SRPRA: variants seen among roughly 807,000 people sequenced by gnomAD.
SRPRA encodes signal recognition particle receptor subunit alpha.
Under a neutral mutation model 61.1 loss-of-function variants are expected in SRPRA, and 30 were observed. The observed-to-expected ratio is 0.49, with a 90% CI of 0.37 to 0.67. The LOEUF (loss-of-function observed/expected upper bound fraction) is 0.67. Ranked by LOEUF, SRPRA falls within the 30% of genes least tolerant of loss-of-function variation. SRPRA has a pLI of 0.00. For missense variants in SRPRA, 759 were observed against 828.4 expected (o/e 0.92, Z 1.03); for synonymous variants, 324 against 299.7 (o/e 1.08, Z -0.84).
Position 126,268,002 on chromosome 11 carries a change from C to G in SRPRA, c.201+1G>C. Reference sequence around the variant, plus strand: ...TCGTCCCTCTACAACACCCCACTTACCACAAACACCAGCTCAAACTGGTTG... The same window carrying G: ...TCGTCCCTCTACAACACCCCACTTAGCACAAACACCAGCTCAAACTGGTTG... On this transcript the variant is annotated splice_donor_variant, in intron 2 of 13. Coordinates refer to ENST00000332118, the MANE Select transcript of SRPRA (RefSeq NM_003139.4). LOFTEE classifies it high-confidence loss of function. 6.2e-7 allele frequency: 1 copy of G among 1,614,092 alleles called. No homozygotes were observed. Among genetic ancestry groups the G allele is most frequent in the Non-Finnish European group, 8.5e-7 (1 of 1,179,974 alleles).
At chr11:126,261,193 A>C (rs1001905895), downstream of SRPRA, 39 of 480,880 alleles carry the variant, frequency 8.1e-5, no homozygotes, top group Non-Finnish European at 1.1e-4. Context: ...TTTGTCTACA[A>C]GCAATCGTAG....
At chr11:126,239,072 A>G in the SRPRA span, among the ~76,000 whole-genome samples, 3 of 150,354 alleles carry the variant, frequency 2.0e-5, no homozygotes, top group East Asian at 5.9e-4. Flanking sequence ...TCCTGGGCTC[A>G]CGTGATCCTC....
chr11:126,240,786 T>TTA, the SRPRA span: 1 of 1,598,784 alleles, frequency 6.3e-7, no homozygotes. Flanking sequence ...TGTTTTGCTT[T>TTA]TATAGGAAGC....
In SRPRA at chr11:126,266,170, A is replaced by C. The variant is rs1264400938; in HGVS notation, c.932+17T>G. On this transcript the variant is annotated intron_variant, in intron 7 of 13. Coordinates refer to ENST00000332118, the MANE Select transcript of SRPRA (RefSeq NM_003139.4). ...TTTGCAGATGCATATACCAACCCCC[A>C]CCTGAAATTCCCCTACCTAGGTTTG... 1.9e-6 allele frequency: 3 copies of C among 1,613,442 alleles called. No homozygotes were observed. The highest frequency in any genetic ancestry group is 1.3e-5 in the African/African-American group (1 of 74,810).
rs200556752 is a variant in SRPRA, at chr11:126,266,459, C to A, written c.840+17G>T. 7.5e-6 allele frequency: 12 copies of A among 1,610,274 alleles called. No homozygotes were observed. In the East Asian group the frequency reaches 2.7e-4, roughly 36 times the overall value. ...AATTTGTTGTTAAAGATCACTTTGA[C>A]CCCTGTTACCTCTTACCAGGTTGAT... On this transcript the variant is annotated intron_variant, in intron 6 of 13. Coordinates refer to ENST00000332118, the MANE Select transcript of SRPRA (RefSeq NM_003139.4).
chr11:126,237,864 A>G, the SRPRA span, among the ~76,000 whole-genome samples: 1 of 150,556 alleles, frequency 6.6e-6, no homozygotes, highest in African/African-American at 2.4e-5. Context: ...TCCAAAAAAA[A>G]AAAAAAAAAG....
chr11:126,263,102 G>A lies in SRPRA; in HGVS notation c.*814C>T, dbSNP rs1306210421. On this transcript the variant is annotated 3_prime_UTR_variant, in exon 14 of 14. Coordinates refer to ENST00000332118, the MANE Select transcript of SRPRA (RefSeq NM_003139.4). ...GCACTTGTCTACCAGGCACTGTAGAGGGGAGTGATGAGGAAAAGCCAGGAC... is the reference window on the plus strand; with the variant it reads ...GCACTTGTCTACCAGGCACTGTAGAAGGGAGTGATGAGGAAAAGCCAGGAC... 1 of 152,652 alleles carries A rather than the reference G, an allele frequency of 6.6e-6. No individual in the cohort carries two copies. The highest frequency in any genetic ancestry group is 2.4e-5 in the African/African-American group (1 of 41,458). 9.5% of individuals were successfully genotyped at this position (152,652 alleles called of 1,614,324 possible).
chr11:126,248,205 T>C, the SRPRA span, among the ~76,000 whole-genome samples: 1 of 151,300 alleles, frequency 6.6e-6, no homozygotes, highest in African/African-American at 2.4e-5. Context: ...TAACCTCATA[T>C]GTGTCATTTC....
At chr11:126,241,015 G>A in the SRPRA span, 1 of 1,608,368 alleles carries the variant, frequency 6.2e-7, no homozygotes, top group Middle Eastern at 1.7e-4. Context: ...GGTCCATGTT[G>A]CCCATGACCT....
rs1243792247 is a variant in SRPRA, at chr11:126,268,777, T to C, written c.28A>G (p.Lys10Glu). 2 of 1,613,584 alleles carry C rather than the reference T, an allele frequency of 1.2e-6. No homozygotes were observed. Among genetic ancestry groups the C allele is most frequent in the Non-Finnish European group, 1.7e-6 (2 of 1,179,968 alleles). The change falls in exon 1 of 14, where the codon AAG becomes GAG. Residue 10 changes from lysine (K) to glutamate (E), a missense_variant. Around this residue, in one of 2 missense-constraint regions of SRPRA, gnomAD observed 475 missense variants for 462.5 expected, o/e 1.03. Transcript: ENST00000332118. MLDFFTIFS[K>E]GGLVLWCFQG... is the part of the protein sequence containing the mutation. ...AAGCACCAGAGCACAAGCCCGCCCTTGGAGAAAATGGTGAAGAAGTCGAGC... is the reference window on the plus strand; with the variant it reads ...AAGCACCAGAGCACAAGCCCGCCCTCGGAGAAAATGGTGAAGAAGTCGAGC...
In SRPRA at chr11:126,264,079, G is replaced by A. The variant is rs376225707; in HGVS notation, c.1789-35C>T. 7 of 1,613,710 alleles carry A rather than the reference G, an allele frequency of 4.3e-6. No homozygotes were observed. The highest frequency in any genetic ancestry group is 1.3e-5 in the African/African-American group (1 of 74,912). On this transcript the variant is annotated intron_variant, in intron 13 of 13. Transcript: ENST00000332118. The surrounding 1 kb of genome is among the most constrained non-coding windows in gnomAD (Gnocchi z 5.0). ...GAAAGAGGACAGCCCATCAACACAA[G>A]CCCACTTTTCACTCACCCTCTCAGG...
chr11:126,267,409 T>A lies in SRPRA; in HGVS notation c.366-74A>T. The A allele has an allele frequency of 6.3e-7, 1 of 1,596,048 alleles. No homozygotes were observed. The highest frequency in any genetic ancestry group is 1.7e-4 in the Middle Eastern group (1 of 5,966). On this transcript the variant is annotated intron_variant, in intron 3 of 13. Coordinates refer to ENST00000332118, the MANE Select transcript of SRPRA (RefSeq NM_003139.4). The surrounding 1 kb of genome is among the most constrained non-coding windows in gnomAD (Gnocchi z 4.2). ...AAATAACGGTCCAGAGAAAGGACTCTCACACCCAAGAGGACAATGAGAACT... is the reference window on the plus strand; with the variant it reads ...AAATAACGGTCCAGAGAAAGGACTCACACACCCAAGAGGACAATGAGAACT...
chr11:126,240,699 T>C, the SRPRA span: 2 of 1,320,644 alleles, frequency 1.5e-6, no homozygotes, highest in Admixed American at 4.7e-5. Context: ...ACTATAAAAG[T>C]TAGCTAAAAA....
chr11:126,245,287 A>G, the SRPRA span: 1 of 152,178 alleles, frequency 6.6e-6, no homozygotes, highest in East Asian at 1.9e-4. Flanking sequence ...GTCTCTAAAA[A>G]AAAAAATTAA....
chr11:126,255,137 G>T, the SRPRA span, among the ~76,000 whole-genome samples: 1 of 152,136 alleles, frequency 6.6e-6, no homozygotes, highest in South Asian at 2.1e-4. The surrounding 1 kb of genome is among the most constrained non-coding windows in gnomAD (Gnocchi z 4.6). Context: ...TGTATAAATG[G>T]CAATGGGCTT....
At position 126,267,053 on chromosome 11, in the gene SRPRA, A is replaced by T. The variant is rs1319234372; in HGVS notation, c.526+122T>A. On this transcript the variant is annotated intron_variant, in intron 4 of 13. Transcript: ENST00000332118. This position sits in a 1 kb window ranked among gnomAD's most constrained non-coding sequence, Gnocchi z 4.2. ...TTGGAGTTCATAAGGCCTGGGGATT[A>T]TAGGATGGTGACCATTTGAGTGAGA... 1 of 1,525,358 alleles carries T rather than the reference A, an allele frequency of 6.6e-7. No individual in the cohort carries two copies. The highest frequency in any genetic ancestry group is 1.9e-5 in the Admixed American group (1 of 51,308). 94.5% of individuals were successfully genotyped at this position (1,525,358 alleles called of 1,614,324 possible).
At chr11:126,241,058 T>C in the SRPRA span, 27 of 1,556,312 alleles carry the variant, frequency 1.7e-5, no homozygotes, top group Non-Finnish European at 2.3e-5. Flanking sequence ...AGTACCCTAG[T>C]ATGTGCCACA....
the SRPRA span, chr11:126,241,111 A>G: frequency 6.8e-7 from 1 of 1,473,758 alleles, no homozygotes; most frequent in Non-Finnish European, 9.1e-7. Context: ...AACTAGCATG[A>G]TTTGGCTGTC....
At chr11:126,253,577 ATATCT>A in the SRPRA span, among the ~76,000 whole-genome samples, 3 of 152,228 alleles carry the variant, frequency 2.0e-5, no homozygotes, top group Non-Finnish European at 4.4e-5. The surrounding 1 kb of genome is among the most constrained non-coding windows in gnomAD (Gnocchi z 5.1). Flanking sequence ...GTAACAACAA[ATATCT>A]TATCTGCCCA....
Sources: gnomAD v4.1 joint callset for allele counts (sites outside exome capture counted in the v4.1 genomes callset) on GRCh38, gnomAD v4.1.1 for gene constraint, gnomAD v4.1.1 regional missense constraint, Gnocchi (gnomAD v3.1) non-coding constraint, MANE v1.5 for transcripts, NCBI Gene and HGNC (gene_info 2026-07-23, HGNC 2026-07-21) for gene names.